The following NBPF14 variants were observed in gnomAD, a reference collection of about 807,000 sequenced individuals.
The protein encoded by NBPF14 is NBPF member 14, also known as NBPF family member NBPF14.
Under a neutral mutation model 91.2 loss-of-function variants are expected in NBPF14, and 104 were observed. The ratio of observed to expected loss-of-function variants is 1.14; its 90% confidence interval spans 0.97 to 1.34. The LOEUF (loss-of-function observed/expected upper bound fraction) is 1.34. Among genes scored for constraint, NBPF14 ranks in the 40% most tolerant of loss-of-function variants. NBPF14 has a pLI of 0.00. For missense variants in NBPF14, 908 were observed against 783.0 expected, an observed-to-expected ratio of 1.16 and a Z score of -1.91; for synonymous variants, 294 against 303.8, an observed-to-expected ratio of 0.97 and a Z score of 0.34.
At chr1:148,587,526 C>G (rs1352866312) in intron 7 of NBPF14, 123 bp from the exon 8 acceptor site, 22 of 1,074,790 alleles carry the variant, frequency 2.0e-5, no homozygotes, top group Admixed American at 1.9e-4. Flanking sequence ...AGGGTCTAGA[C>G]AGGGATTTCA....
chr1:148,533,904 C>T, exon 70 of NBPF14: 1 of 754,852 alleles, frequency 1.3e-6, no homozygotes. Context: ...TCTTTTCTTC[C>T]CCTTCTTCTT....
chr1:148,590,332 C>G (rs1293926125), intron 6 of NBPF14, among the ~76,000 whole-genome samples: 1 of 144,414 alleles, frequency 6.9e-6, no homozygotes, highest in Non-Finnish European at 1.5e-5. Context: ...GCTCGGATTA[C>G]AGGTGTGACC....
chr1:148,535,087 C>A (rs1481368469), intron 68 of NBPF14, among the ~76,000 whole-genome samples: 3 of 145,796 alleles, frequency 2.1e-5, no homozygotes, highest in South Asian at 2.2e-4. Flanking sequence ...GTGAGCTCAG[C>A]GAATTGGCCG....
intron 9 of NBPF14, among the ~76,000 whole-genome samples, chr1:148,585,670 C>T (rs1350624222): frequency 2.0e-5 from 3 of 148,930 alleles, no homozygotes; most frequent in Non-Finnish European, 3.0e-5. Flanking sequence ...TCTTCAGGGA[C>T]ATTCTATCCA....
chr1:148,572,489 A>C (rs1659251424), exon 21 of NBPF14: 2 of 571,508 alleles, frequency 3.5e-6, no homozygotes, highest in Non-Finnish European at 6.1e-6. Flanking sequence ...CCAATGAGTA[A>C]ACAGCACTGC....
rs2149503347 is a variant in NBPF14 at position 148,559,883 on chromosome 1, A to T, written c.4639T>A (p.Cys1547Ser). The T allele has an allele frequency of 3.0e-6, 4 of 1,350,676 alleles. 2 individuals are homozygous for T. The African/African-American group carries it at 8.3e-5, about 28-fold the overall frequency. The allele number at this position is 1,350,676 out of a possible 1,614,324, so 83.7% of individuals were successfully genotyped here. The stretch of plus-strand genomic sequence containing the variant: ...TGGCATGAGTCAGTCAGTTCAAGAC[A>T]ACCTGAAGGAGTTGAATAACATCTA... The change falls in exon 37 of 71, where the codon TGT (cysteine) becomes AGT (serine). Residue 1547 changes from cysteine to serine, a missense_variant. By Grantham distance (112) the Cys-to-Ser change is moderately radical. This residue lies in a region of NBPF14 where 447 missense variants were observed against 189.1 expected (regional missense o/e 2.36). Coordinates refer to ENST00000619423, the Ensembl canonical transcript of NBPF14.
chr1:148,566,342 T>C (rs1201337589), intron 28 of NBPF14, 27 bp from the exon 29 acceptor site: 1 of 763,106 alleles, frequency 1.3e-6, no homozygotes, highest in Non-Finnish European at 2.3e-6. Context: ...AGGTAAAGAA[T>C]AAGCCAGGGG....
intron 69 of NBPF14, 70 bp downstream of exon 69, chr1:148,534,614 T>G: frequency 1.1e-6 from 1 of 908,782 alleles, no homozygotes. Flanking sequence ...AAGGGCCACT[T>G]GGAATAGGAA....
rs1378794673 is a variant in NBPF14 at position 148,566,273 on chromosome 1, C to A, written c.3585G>T (p.Leu1195Phe). The change falls in exon 29 of 71, where the codon TTG (leucine) becomes TTT (phenylalanine). Residue 1195 changes from leucine to phenylalanine, a missense_variant. Around this residue, in one of 13 missense-constraint regions of NBPF14, gnomAD observed 447 missense variants for 189.1 expected, o/e 2.36. Transcript: ENST00000619423. ...AATAACATCTATCCAGTGAGTCCTG[C>A]AAGACTTCAGGCTCTACTACCTCCA... The A allele has an allele frequency of 7.5e-4, 496 of 661,894 alleles. 65 individuals carry two copies. The highest frequency in any genetic ancestry group is 1.0e-3 in the Non-Finnish European group (378 of 370,420). 41.0% of individuals were successfully genotyped at this position (661,894 alleles called of 1,614,324 possible). A position where few individuals can be genotyped will look rare whatever the true frequency, so the allele number is the denominator to read the frequency against.
chr1:148,533,204 T>G (rs782152507), exon 71 of NBPF14: 1 of 689,738 alleles, frequency 1.4e-6, no homozygotes, highest in Admixed American at 3.8e-5. Flanking sequence ...CAGTGAGTCC[T>G]GTAAGACTTC....
intron 28 of NBPF14, among the ~76,000 whole-genome samples, 178 bp from the exon 29 acceptor site, chr1:148,566,493 T>G (rs1390542707): frequency 8.2e-6 from 1 of 122,054 alleles, no homozygotes; most frequent in African/African-American, 3.1e-5. Flanking sequence ...TGGAAAAGAA[T>G]GAAAGAGAAA....
rs1661709358 is a variant in NBPF14, at chr1:148,587,276, G to C, written c.1091+25C>G. On this transcript the variant is annotated intron_variant, in intron 8 of 70. Transcript: ENST00000619423. ...CAGAGATTTACACACCTGCCCCCCT[G>C]CCTGCCCCCATGGGGTCCCCTCACC... is the stretch of plus-strand genomic sequence containing the variant. The C allele has an allele frequency of 1.9e-6, 3 of 1,547,148 alleles. No homozygotes were observed. The South Asian group carries it at 3.4e-5, about 17-fold the overall frequency.
chr1:148,572,309 A>G, intron 21 of NBPF14, 134 bp downstream of exon 21: 1 of 217,888 alleles, frequency 4.6e-6, no homozygotes, highest in Non-Finnish European at 7.9e-6. Context: ...GTTTCATTAC[A>G]ACCTATATGC....
At chr1:148,587,105 G>A (rs1661667083) in intron 8 of NBPF14, among the ~76,000 whole-genome samples, 196 bp downstream of exon 8, 1 of 148,280 alleles carries the variant, frequency 6.7e-6, no homozygotes, top group Non-Finnish European at 1.5e-5. Flanking sequence ...GAGAAAACAA[G>A]GCTCTGAGAA....
intron 59 of NBPF14, among the ~76,000 whole-genome samples, chr1:148,542,213 A>G (rs1431686487): frequency 5.9e-5 from 5 of 84,532 alleles, no homozygotes; most frequent in Non-Finnish European, 7.8e-5. Context: ...GGTTGTGAGG[A>G]CTTTAGACAC....
rs1283039107 is a variant in NBPF14, at chr1:148,587,331, G to A, written c.1061C>T (p.Ala354Val). The change falls in exon 8 of 71, where the codon GCG (alanine) becomes GTG (valine). Residue 354 changes from alanine to valine, a missense_variant. Around this residue, in one of 13 missense-constraint regions of NBPF14, gnomAD observed 39 missense variants for 35.8 expected, o/e 1.09. Coordinates refer to ENST00000619423, the Ensembl canonical transcript of NBPF14. ...CTCCTCAGCTTGCTTCAGCTGCTCC[G>A]CAAGCTTCTCCTCCTTGAACTGTCG... 4.5e-5 allele frequency: 71 copies of A among 1,580,940 alleles called. 5 individuals carry two copies. The highest frequency in any genetic ancestry group is 1.1e-4 in the South Asian group (10 of 89,082).
At chr1:148,577,051 ACCTACATGTG>A (rs2149536189) in intron 15 of NBPF14, 122 bp downstream of exon 15, 1 of 666,600 alleles carries the variant, frequency 1.5e-6, no homozygotes, top group African/African-American at 1.8e-5. Context: ...GTTTCATTCA[ACCTACATGTG>A]CCTATAGGTT....
rs1379402306 is a variant in NBPF14 at position 148,533,973 on chromosome 1, C to A, written c.8615-4G>T. ...CCCTTCCCCTTCTTTTCAATTTCTG[C>A]AATAAATTCAGACATGGACAGACAC... On this transcript the variant is annotated splice_polypyrimidine_tract_variant and splice_region_variant and intron_variant, in intron 69 of 70. Coordinates refer to ENST00000619423, the Ensembl canonical transcript of NBPF14. The A allele has an allele frequency of 4.8e-5, 34 of 705,946 alleles. No homozygotes were observed. The highest frequency in any genetic ancestry group is 4.5e-4 in the South Asian group (31 of 69,176). 43.7% of individuals were successfully genotyped at this position (705,946 alleles called of 1,614,324 possible).
At chr1:148,595,615 ACTG>A in exon 2 of NBPF14, 2 of 1,551,436 alleles carry the variant, frequency 1.3e-6, no homozygotes, top group Admixed American at 1.7e-5. Flanking sequence ...AGGTTTCTGA[ACTG>A]CTGTTTCTTC....
Sources: gnomAD v4.1 joint callset for allele counts (sites outside exome capture counted in the v4.1 genomes callset) on GRCh38, gnomAD v4.1.1 for gene constraint, gnomAD v4.1.1 regional missense constraint, MANE v1.5 for transcripts, NCBI Gene and HGNC (gene_info 2026-07-23, HGNC 2026-07-21) for gene names.